KAZN: variants seen among roughly 807,000 people sequenced by gnomAD.
The protein encoded by KAZN is kazrin.
Under a neutral mutation model 87.4 loss-of-function variants are expected in KAZN, and 40 were observed. The observed-to-expected ratio is 0.46, with a 90% CI of 0.36 to 0.60. The LOEUF (loss-of-function observed/expected upper bound fraction) is 0.60, where lower values mean the gene tolerates loss of function less well. KAZN is among the 20% of genes least tolerant of loss of function. The probability of loss-of-function intolerance (pLI) is 0.00; values close to 1 mark genes in which losing one functional copy is unlikely to be tolerated. For synonymous variants in KAZN, 466 were observed against 458.3 expected (o/e 1.02, Z -0.22); for missense variants, 898 against 1,073.9 (o/e 0.84, Z 2.29).
intron 2 of KAZN, among the ~76,000 whole-genome samples, chr1:14,228,715 C>G (rs2100530681): frequency 6.6e-6 from 1 of 152,332 alleles, no homozygotes; most frequent in South Asian, 2.1e-4. Flanking sequence ...AAGGCAAAGA[C>G]AGTTCTAATG....
intron 1 of KAZN, among the ~76,000 whole-genome samples, chr1:13,932,260 T>TA (rs1292084477): frequency 1.9e-3 from 30 of 16,146 alleles, no homozygotes; most frequent in Admixed American, 3.2e-3. Flanking sequence ...TATTAAACAT[T>TA]TTTTTTTTTT....
At chr1:14,081,746 CTTTGT>C (rs1450842397) in intron 1 of KAZN, among the ~76,000 whole-genome samples, 3 of 151,870 alleles carry the variant, frequency 2.0e-5, no homozygotes, top group East Asian at 1.9e-4. Context: ...GTCCCTTTTG[CTTTGT>C]TTTGTTTTGT....
chr1:14,029,775 A>G (rs866124810), intron 1 of KAZN, among the ~76,000 whole-genome samples: 1 of 151,666 alleles, frequency 6.6e-6, no homozygotes, highest in South Asian at 2.1e-4. Flanking sequence ...GTCAAAGATC[A>G]GATAGTTGTA....
chr1:14,449,219 C>T (rs1332363224), intron 2 of KAZN, among the ~76,000 whole-genome samples: 1 of 152,172 alleles, frequency 6.6e-6, no homozygotes, highest in Non-Finnish European at 1.5e-5. Flanking sequence ...GACTTAGTCT[C>T]TCCTCCTTTT....
intron 1 of KAZN, among the ~76,000 whole-genome samples, chr1:13,947,151 A>T (rs1325932096): frequency 6.6e-6 from 1 of 152,186 alleles, no homozygotes; most frequent in Non-Finnish European, 1.5e-5. Flanking sequence ...TAATTGACAC[A>T]CAGTTCCTCA....
In KAZN at chr1:14,243,338, C is replaced by T. The variant is rs145339205; in HGVS notation, c.249+62746C>T. On this transcript the variant is annotated intron_variant, in intron 2 of 16. Coordinates refer to the KAZN transcript ENST00000636203. ...GTCGGGCCCTACCCTTTTCTGCAGG[C>T]GGAAGGTAAATTTTCCTTTATCTTT... Among the ~76,000 whole-genome samples, 1,253 of 152,204 alleles carry T rather than the reference C, an allele frequency of 8.2e-3. 19 individuals are homozygous for T. The highest frequency in any genetic ancestry group is 0.029 in the African/African-American group (1,191 of 41,502).
intron 1 of KAZN, among the ~76,000 whole-genome samples, chr1:14,639,351 A>C (rs1157953739): frequency 6.6e-6 from 1 of 152,204 alleles, no homozygotes; most frequent in Admixed American, 6.5e-5. Context: ...CCAGCTGTAA[A>C]AATGCGATGC....
At chr1:13,956,373 G>A (rs1641551011) in intron 1 of KAZN, among the ~76,000 whole-genome samples, 1 of 147,798 alleles carries the variant, frequency 6.8e-6, no homozygotes, top group African/African-American at 2.5e-5. Context: ...CAAGTCTCTC[G>A]GTGGGCTTAC....
chr1:14,642,505 T>C (rs1017386614), intron 1 of KAZN, among the ~76,000 whole-genome samples: 1 of 152,074 alleles, frequency 6.6e-6, no homozygotes, highest in African/African-American at 2.4e-5. Flanking sequence ...GCTGATCTCA[T>C]AGAAGTAAAA....
chr1:14,111,627 TC>T (rs1209205835), intron 1 of KAZN, among the ~76,000 whole-genome samples: 1 of 134,382 alleles, frequency 7.4e-6, no homozygotes, highest in Non-Finnish European at 1.6e-5. Flanking sequence ...AGCCTCTGAT[TC>T]CTCACCAGCC....
chr1:14,329,649 T>G (rs763401808), intron 2 of KAZN, among the ~76,000 whole-genome samples: 2 of 152,172 alleles, frequency 1.3e-5, no homozygotes, highest in Non-Finnish European at 2.9e-5. Context: ...GCTACACAAC[T>G]AGACAGCAAA....
rs980147715 is a variant in KAZN, at chr1:14,207,859, C to A, written c.249+27267C>A. On this transcript the variant is annotated intron_variant, in intron 2 of 16. Transcript: ENST00000636203. ...ACACAAGACCTGCTGTGGGGTGGTT[C>A]ACAAATGGCTGAAAATGGACAGGCC... Among the ~76,000 whole-genome samples, 4 of 152,174 alleles carry A rather than the reference C, an allele frequency of 2.6e-5. No individual in the cohort carries two copies. The South Asian group carries it at 6.2e-4, about 24-fold the overall frequency.
chr1:14,717,270 C>T (rs1642843548), intron 1 of KAZN, among the ~76,000 whole-genome samples: 1 of 151,940 alleles, frequency 6.6e-6, no homozygotes, highest in Non-Finnish European at 1.5e-5. Context: ...CTGGCATGAG[C>T]TTTCCCATAC....
At chr1:14,892,064 G>A (rs1557594978) in intron 1 of KAZN, among the ~76,000 whole-genome samples, 1 of 152,108 alleles carries the variant, frequency 6.6e-6, no homozygotes, top group African/African-American at 2.4e-5. Context: ...CTCTGGTGTG[G>A]TGCAGACCCC....
chr1:14,594,185 G>T (rs2486776), upstream of KAZN, among the ~76,000 whole-genome samples: 1 of 152,002 alleles, frequency 6.6e-6, no homozygotes, highest in African/African-American at 2.4e-5. Flanking sequence ...TACTCATTGC[G>T]CCCTCTTTTG....
intron 1 of KAZN, chr1:14,692,521 G>A (rs887356146): frequency 4.6e-5 from 8 of 172,994 alleles, no homozygotes; most frequent in Admixed American, 4.4e-4. Context: ...TATGGGTCTC[G>A]TGGTGTTATT....
intron 1 of KAZN, among the ~76,000 whole-genome samples, chr1:14,668,381 C>A (rs1030717445): frequency 2.0e-5 from 3 of 152,174 alleles, no homozygotes; most frequent in African/African-American, 7.2e-5. Flanking sequence ...TGTGAAGTGG[C>A]AGGAAAAGGA....
intron 2 of KAZN, among the ~76,000 whole-genome samples, chr1:14,294,519 A>G (rs184561934): frequency 3.3e-5 from 5 of 152,074 alleles, no homozygotes; most frequent in Admixed American, 2.6e-4. Context: ...ACTGAGGATC[A>G]GAGAGGTTTT....
chr1:14,069,909 G>A (rs112554800), intron 1 of KAZN, among the ~76,000 whole-genome samples: 1,555 of 152,102 alleles, frequency 0.01, 36 homozygotes, highest in African/African-American at 0.036. Context: ...GGTGGCTCAC[G>A]CCTGTAATCC....
Sources: allele counts gnomAD v4.1 joint callset (sites outside exome capture counted in the v4.1 genomes callset), GRCh38; gene constraint gnomAD v4.1.1; transcripts MANE v1.5; gene names NCBI Gene and HGNC (gene_info 2026-07-23, HGNC 2026-07-21).